Variants in PLCG1 observed in about 807,000 individuals in gnomAD.
PLCG1 encodes phospholipase C gamma 1.
A neutral mutation model predicts 177.8 loss-of-function variants in PLCG1; 71 were observed. That is an observed-to-expected ratio of 0.40 (90% CI 0.33 to 0.49). The LOEUF (loss-of-function observed/expected upper bound fraction) is 0.49. PLCG1 is among the 20% of genes least tolerant of loss of function. The pLI is 0.72. For synonymous variants in PLCG1, 658 were observed against 647.9 expected (o/e 1.02, Z -0.24); for missense variants, 1,281 against 1,709.0 (o/e 0.75, Z 4.42).
chr20:41,145,823 G>C (rs1030596258), intron 1 of PLCG1, among the ~76,000 whole-genome samples: 3 of 152,196 alleles, frequency 2.0e-5, no homozygotes, highest in Admixed American at 2.0e-4. Context: ...ATGGGACTTG[G>C]AGAGTCTCTA....
chr20:41,137,941 C>T lies in PLCG1; in HGVS notation c.217+83C>T, dbSNP rs1033949265. 1.2e-5 allele frequency: 12 copies of T among 998,050 alleles called. No homozygotes were observed. The highest frequency in any genetic ancestry group is 1.7e-5 in the African/African-American group (1 of 59,558). 61.8% of individuals were successfully genotyped at this position (998,050 alleles called of 1,614,324 possible). A position where few individuals can be genotyped will look rare whatever the true frequency, so the allele number is the denominator to read the frequency against. On this transcript the variant is annotated intron_variant, in intron 1 of 31. Coordinates refer to ENST00000685551, the MANE Select transcript of PLCG1 (RefSeq NM_002660.3). The surrounding 1 kb of genome is among the most constrained non-coding windows in gnomAD (Gnocchi z 7.3). Reference sequence around the variant, plus strand: ...CCCGACTGCTTGCACCCCGGCCGGCCGCCCCAGCGACTTGGGCAAACTTTC... The same window carrying T: ...CCCGACTGCTTGCACCCCGGCCGGCTGCCCCAGCGACTTGGGCAAACTTTC...
At position 41,174,475 on chromosome 20, in the gene PLCG1, GA is replaced by G; in HGVS notation, c.3844del (p.Arg1282GlyfsTer55). The G allele has an allele frequency of 6.3e-7, 1 of 1,588,150 alleles. No individual in the cohort carries two copies. The highest frequency in any genetic ancestry group is 2.3e-5 in the East Asian group (1 of 43,910). ...TCTTCCCTTCTGTCCAGGGCCCCAAGAAGGACTCGGGTCAATGGAGACAACC... is the reference window on the plus strand; with the variant it reads ...TCTTCCCTTCTGTCCAGGGCCCCAAGAGGACTCGGGTCAATGGAGACAACC... ...HFDSRERRAP[R>X]RTRVNGDNRL On this transcript the variant is annotated frameshift_variant, in exon 32 of 32. Transcript: ENST00000685551. LOFTEE classifies it high-confidence loss of function. The surrounding 1 kb of genome is among the most constrained non-coding windows in gnomAD (Gnocchi z 5.8).
chr20:41,162,133 C>G (rs2035519475), intron 4 of PLCG1, among the ~76,000 whole-genome samples: 5 of 152,010 alleles, frequency 3.3e-5, no homozygotes, highest in Admixed American at 3.3e-4. Context: ...GAGGGGAGGC[C>G]TGGAGTGTGG....
chr20:41,172,755 C>G lies in PLCG1; in HGVS notation c.3157C>G (p.Leu1053Val). Residue 1053 changes from leucine (L) to valine (V), a missense_variant, in exon 27 of 32, where the codon CTC becomes GTC. This residue lies in a region of PLCG1 where 723 missense variants were observed against 1,030.0 expected (regional missense o/e 0.70). Transcript: ENST00000685551. This position sits in a 1 kb window ranked among gnomAD's most constrained non-coding sequence, Gnocchi z 7.0. ...CAAGCCTATGCAGATGAACCAGGCCCTCTTCATGACGGGCAGGCACTGTGG... is the reference window on the plus strand; with the variant it reads ...CAAGCCTATGCAGATGAACCAGGCCGTCTTCATGACGGGCAGGCACTGTGG... Reference protein sequence around the residue: ...PDKPMQMNQALFMTGRHCGYV... With the variant: ...PDKPMQMNQAVFMTGRHCGYV... 1 of 1,614,156 alleles carries G rather than the reference C, an allele frequency of 6.2e-7. No homozygotes were observed.
chr20:41,166,827 A>G lies in PLCG1; in HGVS notation c.2269A>G (p.Asn757Asp). The change falls in exon 19 of 32, where the codon AAC becomes GAC. Residue 757 changes from asparagine (N) to aspartate (D), a missense_variant. Asn to Asp is a conservative substitution (Grantham distance 23, BLOSUM62 1). Transcript: ENST00000685551. This position sits in a 1 kb window ranked among gnomAD's most constrained non-coding sequence, Gnocchi z 8.6. The part of the protein sequence containing the change: ...YRKMKLRYPI[N>D]EEALEKIGTA... ...CAAGATGAAGCTGCGCTATCCCATC[A>G]ACGAGGAGGCACTGGAGAAGATTGG... is the stretch of plus-strand genomic sequence containing the variant. 1.2e-6 allele frequency: 2 copies of G among 1,614,168 alleles called. No individual in the cohort carries two copies. The highest frequency in any genetic ancestry group is 1.7e-6 in the Non-Finnish European group (2 of 1,180,038).
Position 41,163,741 on chromosome 20 carries a change from G to C in PLCG1, c.918G>C (p.Glu306Asp), listed in dbSNP as rs750855309. The C allele has an allele frequency of 7.4e-6, 12 of 1,612,660 alleles. No individual in the cohort carries two copies. Among genetic ancestry groups the C allele is most frequent in the Non-Finnish European group, 1.0e-5 (12 of 1,178,772 alleles). ...DEFVTFLFSK[E>D]NSVWNSQLDA... is the part of the protein sequence containing the mutation. ...TTGTCACCTTCCTGTTCTCCAAAGA[G>C]AACAGTGTGTGGAACTCGCAGCTGG... The change falls in exon 10 of 32, where the codon GAG becomes GAC. Residue 306 changes from glutamate (E) to aspartate (D), a missense_variant. Glu to Asp is a conservative substitution (Grantham distance 45). Coordinates refer to ENST00000685551, the MANE Select transcript of PLCG1 (RefSeq NM_002660.3). This position sits in a 1 kb window ranked among gnomAD's most constrained non-coding sequence, Gnocchi z 5.2.
At chr20:41,162,040 A>G (rs1439909962) in intron 4 of PLCG1, among the ~76,000 whole-genome samples, 2 of 151,870 alleles carry the variant, frequency 1.3e-5, no homozygotes, top group African/African-American at 2.4e-5. Context: ...GCTGCCCCCA[A>G]CAGGGAAGTT....
At chr20:41,154,027 T>C (rs1302289025) in intron 1 of PLCG1, among the ~76,000 whole-genome samples, 6 of 152,242 alleles carry the variant, frequency 3.9e-5, no homozygotes, top group Non-Finnish European at 8.8e-5. Flanking sequence ...CCCTTTCTGA[T>C]TAAATCACTT....
chr20:41,145,634 T>C (rs190246710), intron 1 of PLCG1, among the ~76,000 whole-genome samples: 6 of 152,244 alleles, frequency 3.9e-5, no homozygotes, highest in Admixed American at 6.5e-5. Flanking sequence ...CTGGGTGTGC[T>C]GAAGTCTCCA....
rs903381073 is a variant in PLCG1 at position 41,137,577 on chromosome 20, G to T, written c.-65G>T. On this transcript the variant is annotated 5_prime_UTR_variant, in exon 1 of 32. Coordinates refer to ENST00000685551, the MANE Select transcript of PLCG1 (RefSeq NM_002660.3). This position sits in a 1 kb window ranked among gnomAD's most constrained non-coding sequence, Gnocchi z 7.3. ...CTCAGCCTCAGCCCCAACCTCAGCCGCCGCCGTTGCGCTTGCTCCCGGGCG... is the reference window on the plus strand; with the variant it reads ...CTCAGCCTCAGCCCCAACCTCAGCCTCCGCCGTTGCGCTTGCTCCCGGGCG... 1.1e-5 allele frequency: 11 copies of T among 1,018,944 alleles called. No individual in the cohort carries two copies. The highest frequency in any genetic ancestry group is 1.4e-5 in the Non-Finnish European group (11 of 789,814). The allele number at this position is 1,018,944 out of a possible 1,614,324, so 63.1% of individuals were successfully genotyped here.
At chr20:41,149,892 C>T (rs1055892343) in intron 1 of PLCG1, among the ~76,000 whole-genome samples, 1 of 152,138 alleles carries the variant, frequency 6.6e-6, no homozygotes, top group Non-Finnish European at 1.5e-5. Flanking sequence ...GGAAGGAGGA[C>T]CATAGATAAG....
At chr20:41,171,605 A>G (rs2035900240) in intron 24 of PLCG1, among the ~76,000 whole-genome samples, 1 of 151,314 alleles carries the variant, frequency 6.6e-6, no homozygotes, top group Admixed American at 6.6e-5. Flanking sequence ...AAAAAAAAAA[A>G]AAAAGCCACT....
Position 41,164,907 on chromosome 20 carries a change from C to T in PLCG1, c.1218-26C>T, listed in dbSNP as rs1435493653. ...ACCCAGAGAATTGCAGAATCTGTTT[C>T]ACTGTGCTTGTCCCCCATCCCGCAG... On this transcript the variant is annotated intron_variant, in intron 12 of 31. Transcript: ENST00000685551. The surrounding 1 kb of genome is among the most constrained non-coding windows in gnomAD (Gnocchi z 6.4). 6.2e-7 allele frequency: 1 copy of T among 1,605,158 alleles called. No homozygotes were observed. Among genetic ancestry groups the T allele is most frequent in the Non-Finnish European group, 8.5e-7 (1 of 1,174,128 alleles).
Position 41,160,134 on chromosome 20 carries a change from G to A in PLCG1, c.493G>A (p.Asp165Asn). 1 of 1,614,178 alleles carries A rather than the reference G, an allele frequency of 6.2e-7. No individual in the cohort carries two copies. The highest frequency in any genetic ancestry group is 1.1e-5 in the South Asian group (1 of 91,080). ...GCTCCGGAAGCAGTTTTACTCAGTG[G>A]ATCGGAATCGTGAGGATCGGTAAGT... is the stretch of plus-strand genomic sequence containing the variant. ...RWLRKQFYSV[D>N]RNREDRISAK... is the part of the protein sequence containing the mutation. Residue 165 changes from aspartate to asparagine, a missense_variant, in exon 4 of 32, where the codon GAT becomes AAT. This residue lies in a region of PLCG1 where 374 missense variants were observed against 443.8 expected (regional missense o/e 0.84). Coordinates refer to ENST00000685551, the MANE Select transcript of PLCG1 (RefSeq NM_002660.3). The surrounding 1 kb of genome is among the most constrained non-coding windows in gnomAD (Gnocchi z 5.5).
At position 41,169,453 on chromosome 20, in the gene PLCG1, A is replaced by C. The variant is rs746254531; in HGVS notation, c.2581-4A>C. ...TGACCATTGGTGGGCTTTGCTTCCC[A>C]CAGCACTTGGACGAGAACAGCCCCC... On this transcript the variant is annotated splice_region_variant and splice_polypyrimidine_tract_variant and intron_variant, in intron 22 of 31. Transcript: ENST00000685551. 1 of 1,612,252 alleles carries C rather than the reference A, an allele frequency of 6.2e-7. No homozygotes were observed. Among genetic ancestry groups the C allele is most frequent in the East Asian group, 2.2e-5 (1 of 44,864 alleles).
rs772495264 is a variant in PLCG1, at chr20:41,162,714, G to A, written c.670G>A (p.Ala224Thr). 4.3e-6 allele frequency: 7 copies of A among 1,612,342 alleles called. No individual in the cohort carries two copies. Among genetic ancestry groups the A allele is most frequent in the Middle Eastern group, 3.4e-4 (2 of 5,812 alleles). The stretch of plus-strand genomic sequence containing the variant: ...GCTGTACCGCAGCCTCATGTACAGC[G>A]CCCAGAAGACGGTGCATGAGCCACC... Reference protein sequence around the residue: ...AQLYRSLMYSAQKTMDLPFLE... With the variant: ...AQLYRSLMYSTQKTMDLPFLE... Residue 224 changes from alanine to threonine, a missense_variant, in exon 6 of 32, where the codon GCC (alanine) becomes ACC (threonine). Physicochemically the swap from Ala to Thr is moderately conservative, Grantham distance 58. This residue lies in a region of PLCG1 where 374 missense variants were observed against 443.8 expected (regional missense o/e 0.84). Transcript: ENST00000685551.
At chr20:41,158,445 T>C (rs1200826254) in intron 1 of PLCG1, among the ~76,000 whole-genome samples, 1 of 152,060 alleles carries the variant, frequency 6.6e-6, no homozygotes, top group Non-Finnish European at 1.5e-5. Context: ...CTTAAATCGG[T>C]GATTTCTGGG....
rs1301244702 is a variant in PLCG1, at chr20:41,150,104, A to C, written c.218-9502A>C. Among the ~76,000 whole-genome samples, 3 of 152,122 alleles carry C rather than the reference A, an allele frequency of 2.0e-5. No individual in the cohort carries two copies. Among genetic ancestry groups the C allele is most frequent in the Non-Finnish European group, 4.4e-5 (3 of 68,012 alleles). ...CCTGAAAGGCCAAGGTGGGAGGATC[A>C]CCTGCACCTGGGGAGGTAGAGGCTA... is the stretch of plus-strand genomic sequence containing the variant. On this transcript the variant is annotated intron_variant, in intron 1 of 31. Transcript: ENST00000685551. This position sits in a 1 kb window ranked among gnomAD's most constrained non-coding sequence, Gnocchi z 4.0.
Position 41,169,125 on chromosome 20 carries a change from A to C in PLCG1, c.2530A>C (p.Asn844His). The change falls in exon 22 of 32, where the codon AAC (asparagine) becomes CAC (histidine). Residue 844 changes from asparagine to histidine, a missense_variant. By Grantham distance (68) the Asn-to-His change is moderately conservative (BLOSUM62 1). Around this residue, in one of 4 missense-constraint regions of PLCG1, gnomAD observed 723 missense variants for 1,030.0 expected, o/e 0.70. Transcript: ENST00000685551. Reference sequence around the variant, plus strand: ...GAAGAAGCAGCTGTGGTTCCCATCAAACTACGTGGAAGAGATGGTCAACCC... The same window carrying C: ...GAAGAAGCAGCTGTGGTTCCCATCACACTACGTGGAAGAGATGGTCAACCC... ...GGKKQLWFPS[N>H]YVEEMVNPVA... The C allele has an allele frequency of 6.2e-7, 1 of 1,614,082 alleles. No homozygotes were observed. Among genetic ancestry groups the C allele is most frequent in the Non-Finnish European group, 8.5e-7 (1 of 1,179,934 alleles).
Sources: allele counts gnomAD v4.1 joint callset (sites outside exome capture counted in the v4.1 genomes callset), GRCh38; gene constraint gnomAD v4.1.1; regional missense constraint gnomAD v4.1.1; non-coding constraint Gnocchi (gnomAD v3.1); transcripts MANE v1.5; gene names NCBI Gene and HGNC (gene_info 2026-07-23, HGNC 2026-07-21).